SIRPG: variants seen among roughly 807,000 people sequenced by gnomAD.
The protein encoded by SIRPG is signal-regulatory protein gamma.
Under a neutral mutation model 35.7 loss-of-function variants are expected in SIRPG, and 38 were observed. That is an observed-to-expected ratio of 1.06 (90% CI 0.82 to 1.40). The LOEUF (loss-of-function observed/expected upper bound fraction) is 1.40, where lower values mean the gene tolerates loss of function less well. Among genes scored for constraint, SIRPG ranks in the 40% most tolerant of loss-of-function variants. The pLI is 0.00. For missense variants in SIRPG, 519 were observed against 483.0 expected (o/e 1.07, Z -0.70); for synonymous variants, 215 against 190.4 (o/e 1.13, Z -1.06).
At chr20:1,655,236 T>C (rs969648896) in intron 1 of SIRPG, among the ~76,000 whole-genome samples, 3 of 152,228 alleles carry the variant, frequency 2.0e-5, no homozygotes, top group Admixed American at 2.0e-4. Flanking sequence ...CCCATGTCCA[T>C]TGCAGCATTA....
At chr20:1,634,739 C>A (rs549818249) in intron 4 of SIRPG, among the ~76,000 whole-genome samples, 37 of 152,034 alleles carry the variant, frequency 2.4e-4, no homozygotes, top group Non-Finnish European at 3.8e-4. Flanking sequence ...TGCCTCTTTG[C>A]TCCTTAAATA....
upstream of SIRPG, among the ~76,000 whole-genome samples, chr20:1,659,405 T>C (rs1204912817): frequency 6.6e-6 from 1 of 152,248 alleles, no homozygotes; most frequent in Non-Finnish European, 1.5e-5. Flanking sequence ...ACACCCACAG[T>C]AGTGAAAACA....
At chr20:1,651,012 C>T (rs777327553) in intron 1 of SIRPG, among the ~76,000 whole-genome samples, 2 of 152,088 alleles carry the variant, frequency 1.3e-5, no homozygotes, top group African/African-American at 2.4e-5. Context: ...CTATACCTGG[C>T]GAAAGTGTCC....
chr20:1,631,764 G>C (rs1274113461), intron 4 of SIRPG, among the ~76,000 whole-genome samples: 2 of 152,198 alleles, frequency 1.3e-5, no homozygotes, highest in Non-Finnish European at 2.9e-5. Context: ...GCAGTAAGCT[G>C]GGATGGCGTA....
intron 2 of SIRPG, among the ~76,000 whole-genome samples, chr20:1,644,086 G>C (rs1184688373): frequency 1.3e-5 from 2 of 152,230 alleles, no homozygotes; most frequent in Non-Finnish European, 2.9e-5. Context: ...GAAGCACTTT[G>C]ACTGTCCCTT....
At chr20:1,661,911 C>T (rs1181392880), upstream of SIRPG, among the ~76,000 whole-genome samples, 1 of 152,136 alleles carries the variant, frequency 6.6e-6, no homozygotes, top group Non-Finnish European at 1.5e-5. Flanking sequence ...TCATTGACAG[C>T]CCAGACCAAG....
At chr20:1,649,949 G>T (rs1345508729) in intron 1 of SIRPG, among the ~76,000 whole-genome samples, 1 of 141,424 alleles carries the variant, frequency 7.1e-6, no homozygotes. Context: ...CAATTTCAAG[G>T]TAGAGTTTTG....
intron 2 of SIRPG, chr20:1,646,052 C>T (rs8118094): frequency 6.6e-6 from 1 of 152,202 alleles, no homozygotes; most frequent in African/African-American, 2.4e-5. Flanking sequence ...ATGATGATCA[C>T]CATTCTACAG....
chr20:1,634,909 G>A (rs6135470), intron 4 of SIRPG, among the ~76,000 whole-genome samples: 33,213 of 150,510 alleles, frequency 0.22, 4,538 homozygotes, highest in East Asian at 0.61. Flanking sequence ...CGGGCGTGGT[G>A]GCGGGCGCCT....
chr20:1,681,315 G>A, the SIRPG span, among the ~76,000 whole-genome samples: 2 of 152,154 alleles, frequency 1.3e-5, no homozygotes, highest in Admixed American at 1.3e-4. Context: ...GAGTAATGGT[G>A]AAAACTGTGA....
the SIRPG span, among the ~76,000 whole-genome samples, chr20:1,681,828 C>T: frequency 6.6e-6 from 1 of 151,944 alleles, no homozygotes; most frequent in Admixed American, 6.6e-5. Context: ...AGAGTGAGAC[C>T]TTGACTCAAA....
chr20:1,636,565 G>A (rs2091804945), intron 2 of SIRPG, 60 bp from the exon 3 acceptor site: 10 of 1,532,794 alleles, frequency 6.5e-6, no homozygotes, highest in Non-Finnish European at 9.0e-6. Context: ...CTAACGATGA[G>A]TGTGTGACAC....
At chr20:1,672,297 G>A in the SIRPG span, among the ~76,000 whole-genome samples, 1 of 152,174 alleles carries the variant, frequency 6.6e-6, no homozygotes, top group African/African-American at 2.4e-5. Flanking sequence ...AGATCTCTCT[G>A]AGGTATTTAT....
chr20:1,648,918 G>T, intron 2 of SIRPG, 134 bp downstream of exon 2: 2 of 827,588 alleles, frequency 2.4e-6, no homozygotes, highest in Non-Finnish European at 4.0e-6. Flanking sequence ...CACCTGATCT[G>T]TAGAAGGGGG....
At chr20:1,631,172 A>G (rs2091747081) in intron 4 of SIRPG, among the ~76,000 whole-genome samples, 1 of 152,170 alleles carries the variant, frequency 6.6e-6, no homozygotes, top group Non-Finnish European at 1.5e-5. Context: ...ATTACAGTAT[A>G]TTTTAAATAA....
At chr20:1,636,609 C>A in intron 2 of SIRPG, 104 bp from the exon 3 acceptor site, 2 of 1,233,668 alleles carry the variant, frequency 1.6e-6, no homozygotes, top group Non-Finnish European at 2.3e-6. Context: ...AATTTTAATC[C>A]TTCTAATAAT....
upstream of SIRPG, among the ~76,000 whole-genome samples, chr20:1,658,590 G>A (rs60811925): frequency 0.012 from 1,761 of 152,270 alleles, 34 homozygotes; most frequent in African/African-American, 0.039. Flanking sequence ...TGTGTGCCAA[G>A]GAGTTGGGGA....
chr20:1,657,604 A>G (rs944876207), intron 1 of SIRPG, 38 bp downstream of exon 1: 14 of 1,602,810 alleles, frequency 8.7e-6, no homozygotes, highest in Non-Finnish European at 1.2e-5. Flanking sequence ...AGGTCCAGGA[A>G]GCAGGGAGAA....
At chr20:1,636,092 T>C in intron 3 of SIRPG, 96 bp downstream of exon 3, 1 of 1,555,562 alleles carries the variant, frequency 6.4e-7, no homozygotes, top group African/African-American at 1.4e-5. Flanking sequence ...AGGGATTAGA[T>C]TACAGGCCAT....
Sources: allele counts gnomAD v4.1 joint callset (sites outside exome capture counted in the v4.1 genomes callset), GRCh38; gene constraint gnomAD v4.1.1; transcripts MANE v1.5; gene names NCBI Gene and HGNC (gene_info 2026-07-23, HGNC 2026-07-21).